Variants in LARGE1 observed in about 807,000 individuals in gnomAD.
LARGE1 encodes the protein LARGE xylosyl- and glucuronyltransferase 1.
Under a neutral mutation model 87.6 loss-of-function variants are expected in LARGE1, and 43 were observed. That is an observed-to-expected ratio of 0.49 (90% CI 0.38 to 0.63). LARGE1 has a LOEUF of 0.63. Ranked by LOEUF, LARGE1 falls within the 30% of genes least tolerant of loss-of-function variation. The probability of loss-of-function intolerance (pLI) is 0.00; values close to 1 mark genes in which losing one functional copy is unlikely to be tolerated. For missense variants in LARGE1, 802 were observed against 1,000.2 expected (o/e 0.80, Z 2.67); for synonymous variants, 434 against 394.6 (o/e 1.10, Z -1.18).
At chr22:33,179,075 C>A (rs774429829) in intron 11 of LARGE1, among the ~76,000 whole-genome samples, 2 of 152,096 alleles carry the variant, frequency 1.3e-5, no homozygotes, top group Non-Finnish European at 2.9e-5. Flanking sequence ...CTTATAAAGC[C>A]AACAGTCCCA....
chr22:33,796,999 A>G (rs978069593), intron 1 of LARGE1, among the ~76,000 whole-genome samples: 3 of 151,980 alleles, frequency 2.0e-5, no homozygotes, highest in African/African-American at 7.3e-5. Context: ...CCTGACCTCA[A>G]GTGATCCGCC....
intron 5 of LARGE1, among the ~76,000 whole-genome samples, chr22:33,601,136 T>C (rs573833308): frequency 2.6e-5 from 4 of 152,298 alleles, no homozygotes; most frequent in African/African-American, 7.2e-5. Flanking sequence ...GAAAAGGTTT[T>C]ACCCAGAGGA....
intron 6 of LARGE1, among the ~76,000 whole-genome samples, chr22:33,535,811 G>A (rs891661094): frequency 6.6e-6 from 1 of 152,060 alleles, no homozygotes; most frequent in Non-Finnish European, 1.5e-5. Context: ...GATCTGTGAT[G>A]TCGGTTCCCC....
chr22:33,113,008 G>A, the LARGE1 span, among the ~76,000 whole-genome samples: 1 of 152,116 alleles, frequency 6.6e-6, no homozygotes, highest in African/African-American at 2.4e-5. Context: ...TCTATTAAAT[G>A]CATTCAAGTC....
At position 33,288,130 on chromosome 22, in the gene LARGE1, T is replaced by A. The variant is rs907147295; in HGVS notation, c.1731-4782A>T. ...CAGGCTATGGCGCCCAGTTACTGGG[T>A]CACATACTAGTCCAGACACTGCTGT... On this transcript the variant is annotated intron_variant, in intron 12 of 14. Transcript: ENST00000397394. 1.1e-3 allele frequency among the ~76,000 whole-genome samples: 168 copies of A among 152,292 alleles called. 3 individuals are homozygous for A. Among genetic ancestry groups the A allele is most frequent in the Admixed American group, 0.011 (167 of 15,298 alleles).
At position 33,438,689 on chromosome 22, in the gene LARGE1, A is replaced by T. The variant is rs145194808; in HGVS notation, c.788-6424T>A. On this transcript the variant is annotated intron_variant, in intron 6 of 14. Coordinates refer to ENST00000397394, the MANE Select transcript of LARGE1 (RefSeq NM_133642.5). ...GAACTACAATTCTTCCACACAGTGCATCTGGCATGAAAAGGCTGAGCTGAG... is the reference window on the plus strand; with the variant it reads ...GAACTACAATTCTTCCACACAGTGCTTCTGGCATGAAAAGGCTGAGCTGAG... Among the ~76,000 whole-genome samples the T allele has an allele frequency of 1.9e-3, 297 of 152,334 alleles. 2 individuals carry two copies. Among genetic ancestry groups the T allele is most frequent in the African/African-American group, 6.7e-3 (280 of 41,580 alleles).
At chr22:33,453,727 T>G (rs1254834253) in intron 6 of LARGE1, among the ~76,000 whole-genome samples, 1 of 152,202 alleles carries the variant, frequency 6.6e-6, no homozygotes, top group Non-Finnish European at 1.5e-5. Context: ...TAAACTCACC[T>G]AGGAACGGAC....
At chr22:33,813,381 G>T (rs1489973973) in intron 1 of LARGE1, among the ~76,000 whole-genome samples, 1 of 151,920 alleles carries the variant, frequency 6.6e-6, no homozygotes, top group South Asian at 2.1e-4. Flanking sequence ...GTTCATCTCC[G>T]ATAGTCAAAT....
At chr22:33,786,710 A>G (rs1171573664) in intron 1 of LARGE1, among the ~76,000 whole-genome samples, 1 of 152,172 alleles carries the variant, frequency 6.6e-6, no homozygotes, top group Non-Finnish European at 1.5e-5. Context: ...TGTCCTGCCT[A>G]TAACACCATT....
intron 2 of LARGE1, among the ~76,000 whole-genome samples, chr22:33,652,784 CT>C (rs1569344568): frequency 6.6e-6 from 1 of 152,138 alleles, no homozygotes; most frequent in African/African-American, 2.4e-5. Context: ...CTGCCCAGGG[CT>C]TTTTGATGTA....
chr22:33,675,020 C>T (rs781709044), intron 2 of LARGE1, among the ~76,000 whole-genome samples: 3 of 151,764 alleles, frequency 2.0e-5, no homozygotes, highest in Non-Finnish European at 2.9e-5. Context: ...AGGCCAGGCG[C>T]GGTGACTCAT....
chr22:33,220,657 G>A (rs776003421), intron 11 of LARGE1, among the ~76,000 whole-genome samples: 11 of 152,194 alleles, frequency 7.2e-5, no homozygotes, highest in Non-Finnish European at 1.0e-4. Flanking sequence ...ATCTTAGAAA[G>A]TTTTAAATTG....
chr22:33,160,787 C>T (rs771783588), downstream of LARGE1, among the ~76,000 whole-genome samples: 4 of 152,374 alleles, frequency 2.6e-5, no homozygotes, highest in South Asian at 2.1e-4. Context: ...CTTTAAGCTT[C>T]ACAGCTGGCT....
chr22:33,534,656 C>T (rs776299888), intron 6 of LARGE1, among the ~76,000 whole-genome samples: 14 of 152,086 alleles, frequency 9.2e-5, no homozygotes, highest in Non-Finnish European at 1.9e-4. Flanking sequence ...TGGAGCCCCA[C>T]AGTGCTGGGA....
chr22:33,907,552 C>T (rs1316215702), intron 1 of LARGE1, among the ~76,000 whole-genome samples: 1 of 151,440 alleles, frequency 6.6e-6, no homozygotes, highest in Non-Finnish European at 1.5e-5. Context: ...CCCTTGAGAG[C>T]TTGTGTGAAG....
chr22:33,576,681 G>C (rs1156321014), intron 5 of LARGE1, among the ~76,000 whole-genome samples: 1 of 152,090 alleles, frequency 6.6e-6, no homozygotes. Context: ...TATCTGTGGA[G>C]GATTGGTTCC....
intron 3 of LARGE1, 57 bp from the exon 4 acceptor site, chr22:33,626,383 G>C: frequency 7.2e-7 from 1 of 1,381,480 alleles, no homozygotes; most frequent in Non-Finnish European, 1.0e-6. Flanking sequence ...GGCCTTCCTG[G>C]TGCTTCAGAT....
chr22:33,456,951 T>C (rs960860177), intron 6 of LARGE1, among the ~76,000 whole-genome samples: 9 of 152,166 alleles, frequency 5.9e-5, no homozygotes, highest in African/African-American at 2.2e-4. Context: ...CCTTTACTTG[T>C]GCACTTGCAA....
chr22:33,596,628 A>G (rs765468059), intron 5 of LARGE1, among the ~76,000 whole-genome samples: 17 of 152,376 alleles, frequency 1.1e-4, no homozygotes, highest in Non-Finnish European at 2.4e-4. Flanking sequence ...AAAATAAGCC[A>G]AAATGTAGAC....
Sources: allele counts gnomAD v4.1 joint callset (sites outside exome capture counted in the v4.1 genomes callset), GRCh38; gene constraint gnomAD v4.1.1; transcripts MANE v1.5; gene names NCBI Gene and HGNC (gene_info 2026-07-23, HGNC 2026-07-21).